Variants in PYY observed in about 807,000 individuals in gnomAD.
The protein encoded by PYY is peptide YY.
PYY carries 12 observed loss-of-function variants against 10.3 expected under a neutral mutation model. That is an observed-to-expected ratio of 1.17 (90% CI 0.75 to 1.89). The LOEUF (loss-of-function observed/expected upper bound fraction) is 1.89. Ranked by LOEUF, PYY falls within the 40% of genes most tolerant of loss-of-function variation. The pLI is 0.00. For synonymous variants in PYY, 66 were observed against 62.0 expected, an observed-to-expected ratio of 1.06 and a Z score of -0.30; for missense variants, 141 against 134.0, an observed-to-expected ratio of 1.05 and a Z score of -0.26.
intron 1 of PYY, among the ~76,000 whole-genome samples, chr17:44,001,726 A>C (rs1342660375): frequency 6.7e-6 from 1 of 150,244 alleles, no homozygotes; most frequent in Non-Finnish European, 1.5e-5. Flanking sequence ...GAGCTGATTC[A>C]GTCAGCAGGG....
intron 1 of PYY, among the ~76,000 whole-genome samples, chr17:43,986,076 A>G (rs1004406803): frequency 1.3e-5 from 2 of 152,220 alleles, no homozygotes; most frequent in Admixed American, 1.3e-4. Flanking sequence ...CCTGACCAAC[A>G]TGGTGAAACC....
chr17:43,961,966 T>G (rs781657190), intron 2 of PYY, among the ~76,000 whole-genome samples: 8 of 152,088 alleles, frequency 5.3e-5, no homozygotes, highest in Non-Finnish European at 1.0e-4. Flanking sequence ...TGCCTGGAAG[T>G]GGGAGCCTGT....
At chr17:43,994,050 C>G (rs1376395162) in intron 1 of PYY, among the ~76,000 whole-genome samples, 1 of 151,940 alleles carries the variant, frequency 6.6e-6, no homozygotes, top group Admixed American at 6.6e-5. Flanking sequence ...GATGAGGTCT[C>G]TCTACATTAC....
chr17:43,963,568 G>A (rs373589989), intron 2 of PYY, among the ~76,000 whole-genome samples: 229 of 82,570 alleles, frequency 2.8e-3, no homozygotes, highest in South Asian at 0.014. Context: ...AAGGAAGGAA[G>A]GAAAAGAAAG....
chr17:43,988,982 G>A (rs1168859848), intron 1 of PYY, among the ~76,000 whole-genome samples: 2 of 151,774 alleles, frequency 1.3e-5, no homozygotes, highest in East Asian at 2.0e-4. Context: ...GGCTGGTCTT[G>A]AACTCCTGAC....
chr17:44,001,639 G>A (rs767105295), intron 1 of PYY, among the ~76,000 whole-genome samples: 2 of 152,160 alleles, frequency 1.3e-5, no homozygotes, highest in Non-Finnish European at 2.9e-5. Context: ...CTGGGGACAC[G>A]GCCCTCTGGG....
intron 1 of PYY, among the ~76,000 whole-genome samples, chr17:43,978,085 A>G (rs1488479625): frequency 6.6e-6 from 1 of 151,762 alleles, no homozygotes; most frequent in Non-Finnish European, 1.5e-5. Flanking sequence ...AATCTACACT[A>G]CTTGGGAGGC....
chr17:43,976,204 C>T (rs1481999830), intron 1 of PYY, among the ~76,000 whole-genome samples: 2 of 137,002 alleles, frequency 1.5e-5, no homozygotes, highest in African/African-American at 5.9e-5. Flanking sequence ...TACATATATA[C>T]ATATACGTAT....
upstream of PYY, among the ~76,000 whole-genome samples, chr17:43,955,456 C>G (rs570635353): frequency 6.6e-6 from 1 of 152,172 alleles, no homozygotes; most frequent in South Asian, 2.1e-4. Context: ...CACCTGCATT[C>G]TCCGGAAATG....
At chr17:43,962,523 G>A (rs2048719351) in intron 2 of PYY, among the ~76,000 whole-genome samples, 1 of 152,116 alleles carries the variant, frequency 6.6e-6, no homozygotes, top group Non-Finnish European at 1.5e-5. Flanking sequence ...TAGTCACCAT[G>A]CTGTACAAAA....
intron 1 of PYY, among the ~76,000 whole-genome samples, chr17:44,001,755 C>T (rs1303585155): frequency 3.9e-5 from 1 of 25,778 alleles, no homozygotes; most frequent in Non-Finnish European, 8.3e-5. Flanking sequence ...GGGTGGATCC[C>T]TAGGAAGCCC....
chr17:43,962,577 CA>C (rs2048719697), intron 2 of PYY, among the ~76,000 whole-genome samples: 1 of 152,222 alleles, frequency 6.6e-6, no homozygotes, highest in Non-Finnish European at 1.5e-5. Flanking sequence ...CTTTTAGTCA[CA>C]GGGGTGCCCT....
At chr17:43,978,637 C>T (rs963194469) in intron 1 of PYY, among the ~76,000 whole-genome samples, 1 of 152,198 alleles carries the variant, frequency 6.6e-6, no homozygotes. Flanking sequence ...CAGGCTATTA[C>T]ACCCCCACCC....
intron 1 of PYY, 93 bp from the exon 2 acceptor site, chr17:43,953,576 C>T: frequency 8.2e-7 from 1 of 1,221,914 alleles, no homozygotes; most frequent in Non-Finnish European, 1.1e-6. Flanking sequence ...CTCCGACGCT[C>T]TCCCTGGGGC....
chr17:43,977,563 C>A (rs2048857199), intron 1 of PYY, among the ~76,000 whole-genome samples: 1 of 152,088 alleles, frequency 6.6e-6, no homozygotes, highest in African/African-American at 2.4e-5. Context: ...CAGGTGCACC[C>A]CCGACTCTCC....
chr17:43,975,897 TCTAC>T (rs1428011703), intron 1 of PYY, among the ~76,000 whole-genome samples: 1 of 5,814 alleles, frequency 1.7e-4, no homozygotes. Flanking sequence ...CATACACGTG[TCTAC>T]GTACGTGTAC....
At chr17:43,970,151 T>C (rs2143916437) in intron 1 of PYY, among the ~76,000 whole-genome samples, 2 of 139,988 alleles carry the variant, frequency 1.4e-5, no homozygotes, top group South Asian at 4.6e-4. Flanking sequence ...CCGTGAGCCA[T>C]GATCACACCA....
At chr17:43,977,190 G>T (rs2048854892) in intron 1 of PYY, among the ~76,000 whole-genome samples, 1 of 152,174 alleles carries the variant, frequency 6.6e-6, no homozygotes, top group African/African-American at 2.4e-5. Context: ...GAGAGGGAGG[G>T]GGAGAGGGAG....
chr17:43,974,899 T>TG (rs956829646), intron 1 of PYY, among the ~76,000 whole-genome samples: 17 of 152,060 alleles, frequency 1.1e-4, no homozygotes, highest in South Asian at 2.1e-4. Flanking sequence ...GAAATAAATA[T>TG]GGGGGGGAGG....
Sources: allele counts gnomAD v4.1 joint callset (sites outside exome capture counted in the v4.1 genomes callset), GRCh38; gene constraint gnomAD v4.1.1; transcripts MANE v1.5; gene names NCBI Gene and HGNC (gene_info 2026-07-23, HGNC 2026-07-21).